Variants in MDGA2 observed in about 807,000 individuals in gnomAD.
MDGA2 encodes MAM domain-containing glycosylphosphatidylinositol anchor protein 2.
A neutral mutation model predicts 117.8 loss-of-function variants in MDGA2; 40 were observed. That is an observed-to-expected ratio of 0.34 (90% CI 0.26 to 0.44). The LOEUF is 0.44. Ranked by LOEUF, MDGA2 falls within the 20% of genes least tolerant of loss-of-function variation. MDGA2 has a pLI of 1.00. For missense variants in MDGA2, 1,123 were observed against 1,250.6 expected (o/e 0.90, Z 1.54); for synonymous variants, 452 against 439.0 (o/e 1.03, Z -0.37).
chr14:47,538,552 G>A (rs1895271461), intron 1 of MDGA2, among the ~76,000 whole-genome samples: 1 of 152,106 alleles, frequency 6.6e-6, no homozygotes, highest in Non-Finnish European at 1.5e-5. Context: ...ACTCTTGATT[G>A]GGTGGTCCTT....
rs74044412 is a variant in MDGA2 at position 47,019,960 on chromosome 14, A to G, written c.1819+15051T>C. Among the ~76,000 whole-genome samples the G allele has an allele frequency of 9.5e-3, 1,446 of 152,260 alleles. 21 individuals are homozygous for G. Among genetic ancestry groups the G allele is most frequent in the African/African-American group, 0.033 (1,389 of 41,542 alleles). ...GCTAAAAGGAAAATAGTATGCATTT[A>G]TATTTGTATTAGGTTCAGCGTAATT... On this transcript the variant is annotated intron_variant, in intron 8 of 16. Coordinates refer to ENST00000399232, the MANE Select transcript of MDGA2 (RefSeq NM_001113498.3).
chr14:47,105,220 G>A (rs1001495985), intron 5 of MDGA2, among the ~76,000 whole-genome samples: 1 of 152,020 alleles, frequency 6.6e-6, no homozygotes, highest in Admixed American at 6.6e-5. Flanking sequence ...TTTCCTAGGG[G>A]GCAAGAAGCC....
chr14:46,885,478 C>T (rs956016993), intron 10 of MDGA2, among the ~76,000 whole-genome samples: 6 of 152,080 alleles, frequency 3.9e-5, no homozygotes, highest in African/African-American at 1.4e-4. Context: ...GAGGCTTAGC[C>T]TCACAATGAA....
chr14:46,909,155 G>A (rs1883604881), intron 10 of MDGA2, among the ~76,000 whole-genome samples: 1 of 152,026 alleles, frequency 6.6e-6, no homozygotes, highest in Non-Finnish European at 1.5e-5. Context: ...ACACATAATA[G>A]AACATAATAC....
chr14:47,467,877 A>C (rs984275592), intron 1 of MDGA2, among the ~76,000 whole-genome samples: 3 of 152,180 alleles, frequency 2.0e-5, no homozygotes, highest in African/African-American at 7.2e-5. Flanking sequence ...TCTGTACTTA[A>C]AACAACAGTA....
At chr14:47,346,984 C>CCAT (rs1211108332) in intron 1 of MDGA2, among the ~76,000 whole-genome samples, 2 of 152,072 alleles carry the variant, frequency 1.3e-5, no homozygotes, top group Non-Finnish European at 2.9e-5. Flanking sequence ...AAAGATGAGA[C>CCAT]TAATGGAAGG....
intron 3 of MDGA2, among the ~76,000 whole-genome samples, chr14:47,155,550 G>A (rs1409829792): frequency 6.6e-6 from 1 of 152,054 alleles, no homozygotes; most frequent in Non-Finnish European, 1.5e-5. Context: ...TCCAGCTGCG[G>A]CCTAGCAGGG....
intron 3 of MDGA2, chr14:47,200,960 T>G: frequency 2.4e-6 from 2 of 831,540 alleles, no homozygotes; most frequent in Admixed American, 3.4e-5. Context: ...AACTTGTTTC[T>G]GTAGAAATTG....
At chr14:47,107,705 C>T (rs547685868) in intron 5 of MDGA2, among the ~76,000 whole-genome samples, 3,884 of 151,464 alleles carry the variant, frequency 0.026, 147 homozygotes, top group African/African-American at 0.09. Flanking sequence ...CAAAACAACT[C>T]CTTTCCTTCC....
chr14:47,419,626 C>T (rs1892539053), intron 1 of MDGA2, among the ~76,000 whole-genome samples: 1 of 151,926 alleles, frequency 6.6e-6, no homozygotes, highest in African/African-American at 2.4e-5. Flanking sequence ...TTTACATATG[C>T]CAGCTATAAT....
chr14:47,293,888 C>T (rs1226840109), intron 2 of MDGA2, among the ~76,000 whole-genome samples: 2 of 152,050 alleles, frequency 1.3e-5, no homozygotes, highest in Middle Eastern at 3.4e-3. Flanking sequence ...AAAGTGTTGA[C>T]CCCAAAAAGC....
chr14:47,153,343 G>C (rs111666162), intron 3 of MDGA2, among the ~76,000 whole-genome samples: 1 of 152,222 alleles, frequency 6.6e-6, no homozygotes, highest in East Asian at 1.9e-4. Flanking sequence ...ATTAGAAACC[G>C]GGCTGGGCAA....
chr14:47,468,931 GA>G (rs772107402), intron 1 of MDGA2, among the ~76,000 whole-genome samples: 1 of 151,488 alleles, frequency 6.6e-6, no homozygotes, highest in East Asian at 1.9e-4. Flanking sequence ...CTGAAAATTT[GA>G]AAAAAATATT....
At chr14:47,515,533 CT>C (rs1347226182) in intron 1 of MDGA2, among the ~76,000 whole-genome samples, 2 of 152,064 alleles carry the variant, frequency 1.3e-5, no homozygotes, top group African/African-American at 4.8e-5. Flanking sequence ...TATCCAGTGG[CT>C]GGGTGCCAAA....
At chr14:47,340,676 C>T (rs1244657271) in intron 1 of MDGA2, among the ~76,000 whole-genome samples, 1 of 152,144 alleles carries the variant, frequency 6.6e-6, no homozygotes, top group African/African-American at 2.4e-5. Flanking sequence ...GTAACAAGAG[C>T]ATCAGCAAAG....
At chr14:47,504,761 A>G (rs1894475684) in intron 1 of MDGA2, among the ~76,000 whole-genome samples, 1 of 152,224 alleles carries the variant, frequency 6.6e-6, no homozygotes, top group South Asian at 2.1e-4. Flanking sequence ...GTAAACTAGT[A>G]CAGCCATTAT....
At chr14:47,097,195 T>C (rs1880024925) in intron 5 of MDGA2, 72 bp from the exon 6 acceptor site, 4 of 1,490,124 alleles carry the variant, frequency 2.7e-6, no homozygotes, top group Admixed American at 2.0e-5. Flanking sequence ...GCATGCATTA[T>C]ATTGGTTCAT....
intron 1 of MDGA2, among the ~76,000 whole-genome samples, chr14:47,633,048 C>G (rs2138227133): frequency 6.6e-6 from 1 of 152,264 alleles, no homozygotes; most frequent in Non-Finnish European, 1.5e-5. Context: ...TGGCATGCTG[C>G]CTGGCAAATG....
intron 8 of MDGA2, among the ~76,000 whole-genome samples, chr14:47,000,379 A>ATT (rs1887471966): frequency 1.2e-5 from 1 of 84,142 alleles, no homozygotes; most frequent in Non-Finnish European, 2.3e-5. Context: ...ATATATATTT[A>ATT]TATATATATA....
Sources: allele counts gnomAD v4.1 joint callset (sites outside exome capture counted in the v4.1 genomes callset), GRCh38; gene constraint gnomAD v4.1.1; transcripts MANE v1.5; gene names NCBI Gene and HGNC (gene_info 2026-07-23, HGNC 2026-07-21).